Variants in NT5C observed in about 807,000 individuals in gnomAD.
The protein encoded by NT5C is 5', 3'-nucleotidase, cytosolic.
A neutral mutation model predicts 17.6 loss-of-function variants in NT5C; 14 were observed. That is an observed-to-expected ratio of 0.79 (90% CI 0.52 to 1.24). The LOEUF (loss-of-function observed/expected upper bound fraction) is 1.24. NT5C is among the 50% of genes most tolerant of loss of function. The probability of loss-of-function intolerance (pLI) is 0.00; values close to 1 mark genes in which losing one functional copy is unlikely to be tolerated. For missense variants in NT5C, 328 were observed against 278.3 expected, an observed-to-expected ratio of 1.18 and a Z score of -1.27; for synonymous variants, 153 against 119.2, an observed-to-expected ratio of 1.28 and a Z score of -1.85.
In NT5C at chr17:75,131,117, G is replaced by T; in HGVS notation, c.276-12C>A. On this transcript the variant is annotated splice_polypyrimidine_tract_variant and intron_variant, in intron 2 of 4. Transcript: ENST00000245552. ...TGAAGACCTGCGTGCTGCGGAGAAG[G>T]ACGCGGTTACCGCCGGGAGCCAGGA... 2.5e-6 allele frequency: 4 copies of T among 1,613,114 alleles called. No homozygotes were observed. The highest frequency in any genetic ancestry group is 3.4e-6 in the Non-Finnish European group (4 of 1,179,924).
In NT5C at chr17:75,131,089, A is replaced by C; in HGVS notation, c.292T>G (p.Cys98Gly). Reference protein sequence around the residue: ...NDLPDTQVFICTSPLLKYHHC... With the variant: ...NDLPDTQVFIGTSPLLKYHHC... ...TGGTACTTCAGCAGGGGGCTGGTGC[A>C]GATGAAGACCTGCGTGCTGCGGAGA... The change falls in exon 3 of 5, where the codon TGC becomes GGC. Residue 98 changes from cysteine to glycine, a missense_variant. Cys to Gly is a radical substitution (Grantham distance 159). Transcript: ENST00000245552. 3 of 1,613,308 alleles carry C rather than the reference A, an allele frequency of 1.9e-6. No individual in the cohort carries two copies. The highest frequency in any genetic ancestry group is 2.5e-6 in the Non-Finnish European group (3 of 1,179,874).
Position 75,130,452 on chromosome 17 carries a change from T to C in NT5C, c.*36A>G. 1.2e-6 allele frequency: 2 copies of C among 1,610,300 alleles called. No homozygotes were observed. The highest frequency in any genetic ancestry group is 1.7e-6 in the Non-Finnish European group (2 of 1,178,374). ...GCGGTGGCCCCTGTGGGCCTGCCCT[T>C]CCTTTAGCTCCAGCTGCTGCCCGCG... On this transcript the variant is annotated 3_prime_UTR_variant, in exon 5 of 5. Transcript: ENST00000245552.
At position 75,131,698 on chromosome 17, in the gene NT5C, T is replaced by A; in HGVS notation, c.10A>T (p.Ser4Cys). 1 of 1,284,116 alleles carries A rather than the reference T, an allele frequency of 7.8e-7. No homozygotes were observed. The allele number at this position is 1,284,116 out of a possible 1,614,324, so 79.5% of individuals were successfully genotyped here. ...TCCATGTCCACCAGCACGCGCACGC[T>A]CCGCGCCATCGCCGCCGGGCCGGAG... MAR[S>C]VRVLVDMDGV... The change falls in exon 1 of 5, where the codon AGC becomes TGC. Residue 4 changes from serine (S) to cysteine (C), a missense_variant. Coordinates refer to ENST00000245552, the MANE Select transcript of NT5C (RefSeq NM_014595.3).
rs1201584510 is a variant in NT5C at position 75,130,755 on chromosome 17, C to G, written c.449G>C (p.Arg150Pro). The part of the protein sequence containing the change: ...DLLIDDKDTV[R>P]GQEETPSWEH... ...CTGCCAAGGATAACGGGTCCAACCT[C>G]GAACTGTGTCCTTGTCATCAATGAG... The change falls in exon 4 of 5, where the codon CGA becomes CCA. Residue 150 changes from arginine (R) to proline (P), a missense_variant and splice_region_variant. Transcript: ENST00000245552. 3.7e-6 allele frequency: 6 copies of G among 1,614,158 alleles called. No individual in the cohort carries two copies. The highest frequency in any genetic ancestry group is 5.1e-6 in the Non-Finnish European group (6 of 1,179,984).
In NT5C at chr17:75,130,765, C is replaced by T. The variant is rs748092872; in HGVS notation, c.439G>A (p.Asp147Asn). ...TAACGGGTCCAACCTCGAACTGTGT[C>T]CTTGTCATCAATGAGCAGGTCCCCC... ...VLGDLLIDDK[D>N]TVRGQEETPS... The change falls in exon 4 of 5, where the codon GAC becomes AAC. Residue 147 changes from aspartate to asparagine, a missense_variant. Asp to Asn is a conservative substitution (Grantham distance 23). Coordinates refer to ENST00000245552, the MANE Select transcript of NT5C (RefSeq NM_014595.3). The T allele has an allele frequency of 1.2e-6, 2 of 1,614,082 alleles. No homozygotes were observed. The highest frequency in any genetic ancestry group is 2.7e-5 in the African/African-American group (2 of 74,940).
rs2074109160 is a variant in NT5C, at chr17:75,130,945, T to G, written c.337-78A>C. 4 of 1,608,746 alleles carry G rather than the reference T, an allele frequency of 2.5e-6. No individual in the cohort carries two copies. In the Admixed American group the frequency reaches 6.8e-5, roughly 27 times the overall value. The stretch of plus-strand genomic sequence containing the variant: ...GGATAGGGACTTGGCTCTAAGCCCT[T>G]GAGAGCCCCCCACCCCCACCTTCTG... On this transcript the variant is annotated intron_variant, in intron 3 of 4. Coordinates refer to ENST00000245552, the MANE Select transcript of NT5C (RefSeq NM_014595.3).
Position 75,131,692 on chromosome 17 carries a change from G to T in NT5C, c.16C>A (p.Arg6Ser). Reference protein sequence around the residue: MARSVRVLVDMDGVLA... With the variant: MARSVSVLVDMDGVLA... ...ACGCCGTCCATGTCCACCAGCACGC[G>T]CACGCTCCGCGCCATCGCCGCCGGG... is the stretch of plus-strand genomic sequence containing the variant. The change falls in exon 1 of 5, where the codon CGC (arginine) becomes AGC (serine). Residue 6 changes from arginine to serine, a missense_variant. Arg to Ser is a moderately radical substitution (Grantham distance 110). Coordinates refer to ENST00000245552, the MANE Select transcript of NT5C (RefSeq NM_014595.3). 7.7e-7 allele frequency: 1 copy of T among 1,301,402 alleles called. No homozygotes were observed. The highest frequency in any genetic ancestry group is 2.3e-5 in the South Asian group (1 of 44,326). 80.6% of individuals were successfully genotyped at this position (1,301,402 alleles called of 1,614,324 possible). A position where few individuals can be genotyped will look rare whatever the true frequency, so the allele number is the denominator to read the frequency against.
chr17:75,130,416 G>T lies in NT5C; in HGVS notation c.*72C>A. 8 of 1,569,526 alleles carry T rather than the reference G, an allele frequency of 5.1e-6. No individual in the cohort carries two copies. The highest frequency in any genetic ancestry group is 2.3e-5 in the South Asian group (2 of 87,080). On this transcript the variant is annotated 3_prime_UTR_variant, in exon 5 of 5. Transcript: ENST00000245552. ...AGAGGCACCAGCACGATGCCGCCCC[G>T]ACTCGGCTCTGCGGTGGCCCCTGTG...
At position 75,131,733 on chromosome 17, in the gene NT5C, C is replaced by T. The variant is rs867518134; in HGVS notation, c.-26G>A. On this transcript the variant is annotated 5_prime_UTR_variant, in exon 1 of 5. Coordinates refer to ENST00000245552, the MANE Select transcript of NT5C (RefSeq NM_014595.3). Reference sequence around the variant, plus strand: ...CGCCGCCGGGCCGGAGCTGCGAGCTCTCGGGGTCTGGGGGGCGCGGGCTCG... The same window carrying T: ...CGCCGCCGGGCCGGAGCTGCGAGCTTTCGGGGTCTGGGGGGCGCGGGCTCG... 15 of 1,266,426 alleles carry T rather than the reference C, an allele frequency of 1.2e-5. No individual in the cohort carries two copies. The Middle Eastern group carries it at 9.1e-4, about 77-fold the overall frequency. The allele number at this position is 1,266,426 out of a possible 1,614,324, so 78.4% of individuals were successfully genotyped here.
At position 75,131,274 on chromosome 17, in the gene NT5C, A is replaced by G. The variant is rs527322763; in HGVS notation, c.182T>C (p.Val61Ala). The change falls in exon 2 of 5, where the codon GTG becomes GCG. Residue 61 changes from valine (V) to alanine (A), a missense_variant. By Grantham distance (64) the Val-to-Ala change is moderately conservative (BLOSUM62 0). Transcript: ENST00000245552. ...GCCCGGGGCTTCGTACACACTGGCC[A>G]CTTTATCCTGAAAGACAAGAGTTCT... ...RALRPDLADK[V>A]ASVYEAPGFF... The G allele has an allele frequency of 1.2e-6, 2 of 1,613,804 alleles. No homozygotes were observed. The highest frequency in any genetic ancestry group is 4.5e-5 in the East Asian group (2 of 44,876).
Position 75,131,592 on chromosome 17 carries a change from T to A in NT5C, c.116A>T (p.Glu39Val). ...GCGGGCCAGGAAGCCGCGGCGTTGC[T>A]CCAGCGGCACGTGCGGCTCCTCAGG... ...RFPEEPHVPL[E>V]QRRGFLAREQ... Residue 39 changes from glutamate (E) to valine (V), a missense_variant, in exon 1 of 5, where the codon GAG (glutamate) becomes GTG (valine). Coordinates refer to ENST00000245552, the MANE Select transcript of NT5C (RefSeq NM_014595.3). 1 of 1,393,180 alleles carries A rather than the reference T, an allele frequency of 7.2e-7. No homozygotes were observed. Among genetic ancestry groups the A allele is most frequent in the South Asian group, 1.6e-5 (1 of 63,110 alleles). 86.3% of individuals were successfully genotyped at this position (1,393,180 alleles called of 1,614,324 possible).
rs1157397545 is a variant in NT5C, at chr17:75,130,571, G to C, written c.523C>G (p.Pro175Ala). Residue 175 changes from proline (P) to alanine (A), a missense_variant, in exon 5 of 5, where the codon CCG (proline) becomes GCG (alanine). Coordinates refer to ENST00000245552, the MANE Select transcript of NT5C (RefSeq NM_014595.3). ...CAGGAGAGCAGCCGTCTCCTTGTCG[G>C]GGGCAGGACCAGGTGCCGATTGTGG... ...CCHNRHLVLP[P>A]TRRRLLSWSD... The C allele has an allele frequency of 6.2e-7, 1 of 1,614,086 alleles. No individual in the cohort carries two copies. The highest frequency in any genetic ancestry group is 1.3e-5 in the African/African-American group (1 of 74,944).
In NT5C at chr17:75,131,712, G is replaced by A. The variant is rs974011695; in HGVS notation, c.-5C>T. The A allele has an allele frequency of 3.9e-6, 5 of 1,274,596 alleles. No individual in the cohort carries two copies. Among genetic ancestry groups the A allele is most frequent in the African/African-American group, 3.1e-5 (2 of 64,670 alleles). 79.0% of individuals were successfully genotyped at this position (1,274,596 alleles called of 1,614,324 possible). A position where few individuals can be genotyped will look rare whatever the true frequency, so the allele number is the denominator to read the frequency against. On this transcript the variant is annotated 5_prime_UTR_variant, in exon 1 of 5. Coordinates refer to ENST00000245552, the MANE Select transcript of NT5C (RefSeq NM_014595.3). ...CACGCGCACGCTCCGCGCCATCGCC[G>A]CCGGGCCGGAGCTGCGAGCTCTCGG...
chr17:75,131,424 C>CGCTGCCCGCGGGTTCCAGGGTGA, intron 1 of NT5C, 110 bp downstream of exon 1: 1 of 1,392,514 alleles, frequency 7.2e-7, no homozygotes. Flanking sequence ...CCCCAGGGTG[C>CGCTGCCCGCGGGTTCCAGGGTGA]GCTGCCCGCG....
In NT5C at chr17:75,131,592, T is replaced by C. The variant is rs2145145028; in HGVS notation, c.116A>G (p.Glu39Gly). ...RFPEEPHVPL[E>G]QRRGFLAREQ... ...GCGGGCCAGGAAGCCGCGGCGTTGCTCCAGCGGCACGTGCGGCTCCTCAGG... is the reference window on the plus strand; with the variant it reads ...GCGGGCCAGGAAGCCGCGGCGTTGCCCCAGCGGCACGTGCGGCTCCTCAGG... Residue 39 changes from glutamate to glycine, a missense_variant, in exon 1 of 5, where the codon GAG becomes GGG. Glu to Gly is a moderately conservative substitution (Grantham distance 98, BLOSUM62 -2). Coordinates refer to ENST00000245552, the MANE Select transcript of NT5C (RefSeq NM_014595.3). 7.2e-7 allele frequency: 1 copy of C among 1,393,180 alleles called. No individual in the cohort carries two copies. The highest frequency in any genetic ancestry group is 9.3e-7 in the Non-Finnish European group (1 of 1,080,720). The allele number at this position is 1,393,180 out of a possible 1,614,324, so 86.3% of individuals were successfully genotyped here.
rs746198250 is a variant in NT5C, at chr17:75,131,223, G to A, written c.233C>T (p.Pro78Leu). ...CTCCCGCACAGCGTCCAAGGCTCCC[G>A]GGATGGGCTCCAGGTCCAGGAAAAA... ...PGFFLDLEPI[P>L]GALDAVREMN... The change falls in exon 2 of 5, where the codon CCG becomes CTG. Residue 78 changes from proline to leucine, a missense_variant. Physicochemically the swap from Pro to Leu is moderately conservative, Grantham distance 98. Transcript: ENST00000245552. 6 of 1,613,884 alleles carry A rather than the reference G, an allele frequency of 3.7e-6. No individual in the cohort carries two copies. The highest frequency in any genetic ancestry group is 1.1e-5 in the South Asian group (1 of 91,090).
rs1018317214 is a variant in NT5C, at chr17:75,131,557, G to A, written c.151C>T (p.Arg51Cys). 47 of 1,397,968 alleles carry A rather than the reference G, an allele frequency of 3.4e-5. No homozygotes were observed. The highest frequency in any genetic ancestry group is 1.5e-5 in the African/African-American group (1 of 65,614). 86.6% of individuals were successfully genotyped at this position (1,397,968 alleles called of 1,614,324 possible). ...RRGFLAREQYRALRPDLADKV... is the reference protein window; with the variant it reads ...RRGFLAREQYCALRPDLADKV... ...ACCGCCAGGTCGGGCCGCAGGGCGC[G>A]GTACTGCTCGCGGGCCAGGAAGCCG... Residue 51 changes from arginine to cysteine, a missense_variant, in exon 1 of 5, where the codon CGC becomes TGC. Transcript: ENST00000245552.
rs748092872 is a variant in NT5C at position 75,130,765 on chromosome 17, C to A, written c.439G>T (p.Asp147Tyr). 1.2e-6 allele frequency: 2 copies of A among 1,614,200 alleles called. No individual in the cohort carries two copies. The highest frequency in any genetic ancestry group is 3.3e-5 in the Admixed American group (2 of 60,022). The change falls in exon 4 of 5, where the codon GAC (aspartate) becomes TAC (tyrosine). Residue 147 changes from aspartate to tyrosine, a missense_variant. By Grantham distance (160) the Asp-to-Tyr change is radical. Coordinates refer to ENST00000245552, the MANE Select transcript of NT5C (RefSeq NM_014595.3). The part of the protein sequence containing the change: ...VLGDLLIDDK[D>Y]TVRGQEETPS... ...TAACGGGTCCAACCTCGAACTGTGTCCTTGTCATCAATGAGCAGGTCCCCC... is the reference window on the plus strand; with the variant it reads ...TAACGGGTCCAACCTCGAACTGTGTACTTGTCATCAATGAGCAGGTCCCCC...
At chr17:75,131,304 C>A in intron 1 of NT5C, 23 bp from the exon 2 acceptor site, 1 of 1,609,196 alleles carries the variant, frequency 6.2e-7, no homozygotes, top group African/African-American at 1.3e-5. Flanking sequence ...AGTTCTGGGT[C>A]CCGGCTTCCC....
Sources: gnomAD v4.1 joint callset for allele counts on GRCh38, gnomAD v4.1.1 for gene constraint, MANE v1.5 for transcripts, NCBI Gene and HGNC (gene_info 2026-07-23, HGNC 2026-07-21) for gene names.